SHISA9: variants seen among roughly 807,000 people sequenced by gnomAD.
SHISA9 encodes the protein protein shisa-9.
SHISA9 carries 13 observed loss-of-function variants against 38.0 expected under a neutral mutation model. The observed-to-expected ratio is 0.34, with a 90% CI of 0.22 to 0.54. The LOEUF is 0.54. Among genes scored for constraint, SHISA9 ranks in the 20% least tolerant of loss-of-function variants. SHISA9 has a pLI of 0.91. For synonymous variants in SHISA9, 275 were observed against 242.0 expected, an observed-to-expected ratio of 1.14 and a Z score of -1.27; for missense variants, 538 against 575.8, an observed-to-expected ratio of 0.93 and a Z score of 0.67.
At chr16:13,243,510 A>G (rs1477200473), downstream of SHISA9, among the ~76,000 whole-genome samples, 1 of 152,166 alleles carries the variant, frequency 6.6e-6, no homozygotes, top group Non-Finnish European at 1.5e-5. Context: ...AGTTTGTCTA[A>G]AGACCTGGGA....
At chr16:13,380,592 T>C in the SHISA9 span, among the ~76,000 whole-genome samples, 1 of 152,216 alleles carries the variant, frequency 6.6e-6, no homozygotes, top group Non-Finnish European at 1.5e-5. Flanking sequence ...TTCAGAAAGC[T>C]GTTGCACAAT....
At position 12,908,584 on chromosome 16, in the gene SHISA9, G is replaced by A. The variant is rs956678176; in HGVS notation, c.563+5957G>A. 8 of 1,551,622 alleles carry A rather than the reference G, an allele frequency of 5.2e-6. No individual in the cohort carries two copies. The African/African-American group carries it at 6.8e-5, about 13-fold the overall frequency. On this transcript the variant is annotated intron_variant, in intron 1 of 4. Transcript: ENST00000558583. ...GACTTCAAACCTGGACAGTCTGAGTGCACGGATCCTTGGCCGCTAGGCTGC... is the reference window on the plus strand; with the variant it reads ...GACTTCAAACCTGGACAGTCTGAGTACACGGATCCTTGGCCGCTAGGCTGC...
chr16:13,458,066 C>T, the SHISA9 span, among the ~76,000 whole-genome samples: 1 of 151,950 alleles, frequency 6.6e-6, no homozygotes, highest in Non-Finnish European at 1.5e-5. Flanking sequence ...CAGTATTGTT[C>T]AATGAGTGGA....
At chr16:13,562,457 C>G in the SHISA9 span, among the ~76,000 whole-genome samples, 1 of 151,932 alleles carries the variant, frequency 6.6e-6, no homozygotes, top group South Asian at 2.1e-4. Flanking sequence ...CGGTGAAACC[C>G]CATCTCTACT....
At chr16:13,355,812 G>A in the SHISA9 span, among the ~76,000 whole-genome samples, 8,319 of 152,244 alleles carry the variant, frequency 0.055, 319 homozygotes, top group East Asian at 0.2. Context: ...CTTCCGAGGC[G>A]ATCGGGCAGT....
At chr16:13,513,512 C>T in the SHISA9 span, among the ~76,000 whole-genome samples, 176 of 152,160 alleles carry the variant, frequency 1.2e-3, 1 homozygote, top group Non-Finnish European at 2.0e-3. Context: ...ATATAAATCA[C>T]TCTACTATAA....
intron 2 of SHISA9, among the ~76,000 whole-genome samples, chr16:13,041,945 C>T (rs1413689908): frequency 1.3e-5 from 2 of 152,306 alleles, no homozygotes; most frequent in South Asian, 2.1e-4. Context: ...TTGGGGCTCC[C>T]CCTCTCCCTC....
the SHISA9 span, among the ~76,000 whole-genome samples, chr16:13,292,163 A>G: frequency 6.6e-5 from 10 of 151,880 alleles, no homozygotes; most frequent in African/African-American, 2.4e-4. Flanking sequence ...AACTAGGAAA[A>G]GCCAAAGATG....
chr16:12,910,848 A>G (rs1181750398), intron 1 of SHISA9: 1 of 532,202 alleles, frequency 1.9e-6, no homozygotes, highest in African/African-American at 2.0e-5. Context: ...GCCGACAGGC[A>G]GGAGAATTCT....
the SHISA9 span, among the ~76,000 whole-genome samples, chr16:13,466,964 T>C: frequency 6.6e-6 from 1 of 152,206 alleles, no homozygotes; most frequent in Non-Finnish European, 1.5e-5. Context: ...TTGGTTGTAC[T>C]CAGGATAGTT....
chr16:12,962,011 A>G (rs534986722), intron 2 of SHISA9, among the ~76,000 whole-genome samples: 1 of 152,334 alleles, frequency 6.6e-6, no homozygotes, highest in African/African-American at 2.4e-5. Flanking sequence ...GGCGACGTCA[A>G]CATCAGAGCT....
the SHISA9 span, among the ~76,000 whole-genome samples, chr16:13,471,247 G>A: frequency 2.0e-5 from 3 of 152,152 alleles, no homozygotes; most frequent in Non-Finnish European, 4.4e-5. Context: ...GTCCGCCACA[G>A]CAGTCCTGAA....
the SHISA9 span, among the ~76,000 whole-genome samples, chr16:13,316,260 A>G: frequency 6.6e-6 from 1 of 152,062 alleles, no homozygotes; most frequent in Non-Finnish European, 1.5e-5. Context: ...ACTATTGCAA[A>G]AGTTTCCTGC....
chr16:13,176,019 G>A (rs1262930831), intron 2 of SHISA9, among the ~76,000 whole-genome samples: 1 of 152,074 alleles, frequency 6.6e-6, no homozygotes, highest in Non-Finnish European at 1.5e-5. Flanking sequence ...GTAACTTTAA[G>A]TAGGCATAGC....
chr16:13,312,904 C>G, the SHISA9 span, among the ~76,000 whole-genome samples: 2 of 152,054 alleles, frequency 1.3e-5, no homozygotes, highest in African/African-American at 4.8e-5. Context: ...TTATAGCTAA[C>G]AGAAGTTGAG....
At chr16:13,341,070 G>A in the SHISA9 span, among the ~76,000 whole-genome samples, 1 of 152,108 alleles carries the variant, frequency 6.6e-6, no homozygotes, top group Non-Finnish European at 1.5e-5. Flanking sequence ...GTCTTTCCCA[G>A]CAGACTCCAA....
chr16:13,419,622 T>C, the SHISA9 span, among the ~76,000 whole-genome samples: 1 of 152,110 alleles, frequency 6.6e-6, no homozygotes, highest in South Asian at 2.1e-4. Flanking sequence ...TAATTTAGAG[T>C]GGCTGTTTAC....
At chr16:13,242,429 G>A (rs1240486461), downstream of SHISA9, among the ~76,000 whole-genome samples, 1 of 152,188 alleles carries the variant, frequency 6.6e-6, no homozygotes. Flanking sequence ...CTTGCACAGT[G>A]CCACATTACA....
chr16:12,915,335 G>A (rs567557421), intron 1 of SHISA9, among the ~76,000 whole-genome samples: 2 of 152,302 alleles, frequency 1.3e-5, no homozygotes, highest in South Asian at 4.1e-4. Flanking sequence ...GGGGGTGGTG[G>A]CATGTGCCTG....
Sources: gnomAD v4.1 joint callset for allele counts (sites outside exome capture counted in the v4.1 genomes callset) on GRCh38, gnomAD v4.1.1 for gene constraint, MANE v1.5 for transcripts, NCBI Gene and HGNC (gene_info 2026-07-23, HGNC 2026-07-21) for gene names.